The following ADORA2B variants were observed in gnomAD, a reference collection of about 807,000 sequenced individuals.
ADORA2B encodes the protein adenosine A2b receptor, also known as adenosine receptor A2b.
In ADORA2B, 18 loss-of-function variants were observed where a neutral mutation model predicts 20.8. The observed-to-expected ratio is 0.87, with a 90% CI of 0.60 to 1.29. The LOEUF is 1.29. Ranked by LOEUF, ADORA2B falls within the 50% of genes most tolerant of loss-of-function variation. The pLI is 0.00. For missense variants in ADORA2B, 441 were observed against 422.7 expected, an observed-to-expected ratio of 1.04 and a Z score of -0.38; for synonymous variants, 179 against 178.3, an observed-to-expected ratio of 1.00 and a Z score of -0.03.
chr17:15,955,388 C>CT (rs746303855), intron 1 of ADORA2B, among the ~76,000 whole-genome samples: 1 of 150,694 alleles, frequency 6.6e-6, no homozygotes, highest in Non-Finnish European at 1.5e-5. Context: ...CTCTGGGATT[C>CT]TTTTTTTGTT....
chr17:15,952,834 C>T (rs1432026811), intron 1 of ADORA2B, among the ~76,000 whole-genome samples: 1 of 152,202 alleles, frequency 6.6e-6, no homozygotes, highest in Admixed American at 6.5e-5. Flanking sequence ...ATTAGTGACT[C>T]CAGAATTAGG....
chr17:15,921,106 A>G, the ADORA2B span, among the ~76,000 whole-genome samples: 1 of 152,240 alleles, frequency 6.6e-6, no homozygotes, highest in Non-Finnish European at 1.5e-5. Flanking sequence ...GAGTTTTATC[A>G]TCCATCTCCC....
At chr17:15,866,748 G>GCTGCCT in the ADORA2B span, among the ~76,000 whole-genome samples, 3 of 139,268 alleles carry the variant, frequency 2.2e-5, no homozygotes, top group Admixed American at 2.1e-4. Context: ...TGCCTCTGCC[G>GCTGCCT]CTGCCTCTCT....
chr17:15,887,169 A>T, the ADORA2B span, among the ~76,000 whole-genome samples: 1 of 130,110 alleles, frequency 7.7e-6, no homozygotes, highest in East Asian at 2.1e-4. Context: ...CTGCCTGAAC[A>T]TCTCTGGGAC....
At chr17:15,893,533 A>G in the ADORA2B span, among the ~76,000 whole-genome samples, 1 of 123,234 alleles carries the variant, frequency 8.1e-6, no homozygotes, top group South Asian at 2.7e-4. Context: ...TCCCTGCTGT[A>G]GCTACTGATA....
Position 15,975,425 on chromosome 17 carries a change from GCT to G in ADORA2B, c.*84_*85del. 2 of 1,418,964 alleles carry G rather than the reference GCT, an allele frequency of 1.4e-6. No homozygotes were observed. The highest frequency in any genetic ancestry group is 1.9e-6 in the Non-Finnish European group (2 of 1,044,536). The allele number at this position is 1,418,964 out of a possible 1,614,324, so 87.9% of individuals were successfully genotyped here. On this transcript the variant is annotated 3_prime_UTR_variant, in exon 2 of 2. Transcript: ENST00000304222. Reference sequence around the variant, plus strand: ...CGGCTGGTTTTCATTGTGAAAGATAGCTACACCTCACAAGGAAATGGACTGCC... The same window carrying G: ...CGGCTGGTTTTCATTGTGAAAGATAGACACCTCACAAGGAAATGGACTGCC...
At chr17:15,894,182 A>G in the ADORA2B span, among the ~76,000 whole-genome samples, 1 of 152,222 alleles carries the variant, frequency 6.6e-6, no homozygotes, top group African/African-American at 2.4e-5. Context: ...AACAAGAGAC[A>G]TGTTCTCTGA....
chr17:15,893,206 A>G, the ADORA2B span, among the ~76,000 whole-genome samples: 1 of 152,326 alleles, frequency 6.6e-6, no homozygotes, highest in South Asian at 2.1e-4. Context: ...GGTTTTGGAG[A>G]TGCTTGGAAT....
At chr17:15,918,565 G>A in the ADORA2B span, among the ~76,000 whole-genome samples, 3 of 152,118 alleles carry the variant, frequency 2.0e-5, no homozygotes, top group South Asian at 4.1e-4. Context: ...TCCGCCTTCC[G>A]GATTCAAGCG....
At chr17:15,856,301 G>A in the ADORA2B span, among the ~76,000 whole-genome samples, 1 of 151,786 alleles carries the variant, frequency 6.6e-6, no homozygotes, top group Non-Finnish European at 1.5e-5. Context: ...TGAAGAAGGT[G>A]CCTATTTCCC....
chr17:15,968,413 A>G (rs1342392204), intron 1 of ADORA2B, among the ~76,000 whole-genome samples: 3 of 152,176 alleles, frequency 2.0e-5, no homozygotes, highest in East Asian at 1.9e-4. Context: ...CATACATACC[A>G]TAACATCGCA....
At chr17:15,965,587 G>A (rs1396438599) in intron 1 of ADORA2B, among the ~76,000 whole-genome samples, 1 of 152,260 alleles carries the variant, frequency 6.6e-6, no homozygotes, top group Non-Finnish European at 1.5e-5. Flanking sequence ...TGGAGACACT[G>A]CTTTGGTTCA....
the ADORA2B span, among the ~76,000 whole-genome samples, chr17:15,874,079 T>C: frequency 7.1e-6 from 1 of 141,648 alleles, no homozygotes; most frequent in Non-Finnish European, 1.5e-5. Flanking sequence ...TATATATATA[T>C]ATGTATATAT....
At chr17:15,905,389 T>C in the ADORA2B span, among the ~76,000 whole-genome samples, 2 of 152,166 alleles carry the variant, frequency 1.3e-5, no homozygotes, top group African/African-American at 4.8e-5. Flanking sequence ...TGTTGTTTGT[T>C]TTGTTCTTTT....
intron 1 of ADORA2B, among the ~76,000 whole-genome samples, chr17:15,949,312 A>G (rs1336689516): frequency 3.3e-5 from 5 of 152,110 alleles, no homozygotes. Context: ...TAGGAGTTTG[A>G]GACCAGCCTG....
Position 15,974,698 on chromosome 17 carries a change from G to C in ADORA2B, c.355G>C (p.Gly119Arg), listed in dbSNP as rs1227828692. 2.5e-6 allele frequency: 4 copies of C among 1,613,278 alleles called. No individual in the cohort carries two copies. The highest frequency in any genetic ancestry group is 3.4e-6 in the Non-Finnish European group (4 of 1,179,540). ...VPLRYKSLVT[G>R]TRARGVIAVL... ...AAACAGGTATAAAAGTTTGGTCACG[G>C]GGACCCGAGCAAGAGGGGTCATTGC... The change falls in exon 2 of 2, where the codon GGG becomes CGG. Residue 119 changes from glycine (G) to arginine (R), a missense_variant. By Grantham distance (125) the Gly-to-Arg change is moderately radical. Coordinates refer to ENST00000304222, the MANE Select transcript of ADORA2B (RefSeq NM_000676.4).
At chr17:15,934,497 T>TA in the ADORA2B span, among the ~76,000 whole-genome samples, 1 of 152,184 alleles carries the variant, frequency 6.6e-6, no homozygotes, top group South Asian at 2.1e-4. Context: ...CTGTTGGGAT[T>TA]ACAGGCGTGA....
Position 15,975,522 on chromosome 17 carries a change from G to C in ADORA2B, c.*180G>C, listed in dbSNP as rs1970246237. Reference sequence around the variant, plus strand: ...GTATGTGTCAGTAGTAGGCTCCAAGGATTGACAAATATATTTATGATCTAT... The same window carrying C: ...GTATGTGTCAGTAGTAGGCTCCAAGCATTGACAAATATATTTATGATCTAT... On this transcript the variant is annotated 3_prime_UTR_variant, in exon 2 of 2. Transcript: ENST00000304222. The C allele has an allele frequency of 1.6e-6, 1 of 618,470 alleles. No homozygotes were observed. The highest frequency in any genetic ancestry group is 2.8e-5 in the East Asian group (1 of 36,286). The allele number at this position is 618,470 out of a possible 1,614,324, so 38.3% of individuals were successfully genotyped here.
chr17:15,948,405 G>GGGGGGGGGGGGGGGGGGGGCA (rs1229195400), intron 1 of ADORA2B, among the ~76,000 whole-genome samples: 1 of 44,396 alleles, frequency 2.3e-5, no homozygotes, highest in African/African-American at 5.4e-5. Flanking sequence ...TGGCGGCGGG[G>GGGGGGGGGGGGGGGGGGGGCA]GGCTCCAGTC....
Sources: allele counts gnomAD v4.1 joint callset (sites outside exome capture counted in the v4.1 genomes callset), GRCh38; gene constraint gnomAD v4.1.1; transcripts MANE v1.5; gene names NCBI Gene and HGNC (gene_info 2026-07-23, HGNC 2026-07-21).